ACSM3: variants seen among roughly 807,000 people sequenced by gnomAD.
The protein encoded by ACSM3 is acyl-coenzyme A synthetase ACSM3, mitochondrial.
In ACSM3, 61 loss-of-function variants were observed where a neutral mutation model predicts 74.1. The ratio of observed to expected loss-of-function variants is 0.82; its 90% CI spans 0.67 to 1.02. ACSM3 has a LOEUF of 1.02. Among genes scored for constraint, ACSM3 ranks in the 50% least tolerant of loss-of-function variants. The pLI is 0.00. For missense variants in ACSM3, 660 were observed against 697.0 expected (o/e 0.95, Z 0.60); for synonymous variants, 213 against 241.5 (o/e 0.88, Z 1.09).
intron 8 of ACSM3, among the ~76,000 whole-genome samples, chr16:20,785,564 A>C (rs1348100997): frequency 6.6e-6 from 1 of 152,192 alleles, no homozygotes; most frequent in African/African-American, 2.4e-5. Context: ...ATTCTAGAGG[A>C]AATGAATGAA....
At chr16:20,694,848 G>A (rs2079681167) in intron 1 of ACSM3, among the ~76,000 whole-genome samples, 1 of 152,140 alleles carries the variant, frequency 6.6e-6, no homozygotes. Context: ...TATGACTGGT[G>A]TCCTTATAAA....
At chr16:20,733,243 GA>G (rs2079841947) in intron 1 of ACSM3, among the ~76,000 whole-genome samples, 1 of 152,064 alleles carries the variant, frequency 6.6e-6, no homozygotes, top group Non-Finnish European at 1.5e-5. Flanking sequence ...TGATTACTTA[GA>G]AAAAGAAAGT....
intron 1 of ACSM3, among the ~76,000 whole-genome samples, chr16:20,688,220 A>T (rs1051848875): frequency 6.6e-6 from 1 of 152,180 alleles, no homozygotes; most frequent in African/African-American, 2.4e-5. Flanking sequence ...AAATCCATAA[A>T]CATAGACAGG....
chr16:20,702,024 G>C (rs1328642397), intron 1 of ACSM3, among the ~76,000 whole-genome samples: 1 of 152,160 alleles, frequency 6.6e-6, no homozygotes, highest in Admixed American at 6.5e-5. Flanking sequence ...TATCTTTATA[G>C]TAGAATGATT....
chr16:20,779,097 C>G (rs918432265), intron 4 of ACSM3, among the ~76,000 whole-genome samples: 1 of 152,042 alleles, frequency 6.6e-6, no homozygotes, highest in African/African-American at 2.4e-5. Flanking sequence ...AAATCATAGA[C>G]TGAACACTTG....
At chr16:20,728,933 C>A (rs1462389630) in intron 1 of ACSM3, among the ~76,000 whole-genome samples, 1 of 151,938 alleles carries the variant, frequency 6.6e-6, no homozygotes, top group Non-Finnish European at 1.5e-5. Flanking sequence ...ATAGTGAGAC[C>A]CCGTCTCTAC....
chr16:20,782,172 TGAAAGGGTTCATTG>T (rs2080366062), intron 7 of ACSM3, among the ~76,000 whole-genome samples: 1 of 152,220 alleles, frequency 6.6e-6, no homozygotes, highest in Admixed American at 6.5e-5. Context: ...TGATTCCATT[TGAAAGGGTTCATTG>T]GTAATCCAAA....
chr16:20,717,998 AG>A (rs2079770766), intron 1 of ACSM3, among the ~76,000 whole-genome samples: 4 of 150,394 alleles, frequency 2.7e-5, no homozygotes, highest in South Asian at 2.1e-4. Context: ...AAGAAGAAGA[AG>A]AAGAAGAAGA....
chr16:20,720,306 A>C (rs931942445), intron 1 of ACSM3, among the ~76,000 whole-genome samples: 1 of 152,228 alleles, frequency 6.6e-6, no homozygotes, highest in Non-Finnish European at 1.5e-5. Context: ...GCAACTAGAC[A>C]GTCCCATCTG....
chr16:20,737,389 G>A, intron 1 of ACSM3: 1 of 1,187,226 alleles, frequency 8.4e-7, no homozygotes, highest in Non-Finnish European at 1.2e-6. Context: ...AAGACATACA[G>A]TAATCCACTC....
At chr16:20,697,065 G>T (rs1474495464) in intron 1 of ACSM3, among the ~76,000 whole-genome samples, 1 of 152,036 alleles carries the variant, frequency 6.6e-6, no homozygotes, top group Non-Finnish European at 1.5e-5. Context: ...AAATTCTGAA[G>T]CCAACCCCCT....
chr16:20,703,522 C>T (rs952540050), intron 1 of ACSM3: 2 of 151,914 alleles, frequency 1.3e-5, no homozygotes, highest in African/African-American at 4.8e-5. Flanking sequence ...TGAAGATGTC[C>T]TTCGCAGATT....
At chr16:20,741,415 G>A (rs2079919967) in intron 1 of ACSM3, 2 of 1,415,328 alleles carry the variant, frequency 1.4e-6, no homozygotes, top group Non-Finnish European at 1.9e-6. Context: ...GACGACCCGA[G>A]GCGCGCATGC....
Position 20,725,847 on chromosome 16 carries a change from C to T in ACSM3, c.-189-24063C>T, listed in dbSNP as rs560099938. On this transcript the variant is annotated intron_variant, in intron 1 of 3. Coordinates refer to the ACSM3 transcript ENST00000561584. The stretch of plus-strand genomic sequence containing the variant: ...ATTAGCCAGGCGTGGTGGCACACAA[C>T]GTGTAATCCCAGCCTCTTTGGAGGC... Among the ~76,000 whole-genome samples the T allele has an allele frequency of 7.2e-5, 11 of 152,252 alleles. No individual in the cohort carries two copies. The South Asian group carries it at 1.0e-3, about 14-fold the overall frequency.
At chr16:20,787,052 A>G (rs1161221503) in intron 9 of ACSM3, among the ~76,000 whole-genome samples, 3 of 152,202 alleles carry the variant, frequency 2.0e-5, no homozygotes, top group African/African-American at 7.2e-5. Context: ...CCTAGGGGGA[A>G]TTCCAGTTCC....
At chr16:20,794,424 G>A (rs112153787) in intron 12 of ACSM3, among the ~76,000 whole-genome samples, 1,974 of 152,252 alleles carry the variant, frequency 0.013, 46 homozygotes, top group African/African-American at 0.045. Flanking sequence ...CAATGCGATA[G>A]CCATGCATGG....
intron 1 of ACSM3, among the ~76,000 whole-genome samples, chr16:20,767,976 T>A (rs2080145786): frequency 6.6e-6 from 1 of 152,242 alleles, no homozygotes; most frequent in South Asian, 2.1e-4. Flanking sequence ...TGCCAAAATT[T>A]ATTTATGTAT....
chr16:20,784,551 A>C (rs1057161742), intron 7 of ACSM3: 3 of 157,620 alleles, frequency 1.9e-5, no homozygotes, highest in Non-Finnish European at 4.2e-5. Context: ...GGAATGATAC[A>C]GAGCAGATTA....
At chr16:20,741,661 G>T (rs146220401) in intron 1 of ACSM3, 404 of 1,583,380 alleles carry the variant, frequency 2.6e-4, no homozygotes, top group Non-Finnish European at 3.1e-4. Flanking sequence ...CGCCGAGCGC[G>T]CTTGGCCAGC....
Sources: allele counts gnomAD v4.1 joint callset (sites outside exome capture counted in the v4.1 genomes callset), GRCh38; gene constraint gnomAD v4.1.1; transcripts MANE v1.5; gene names NCBI Gene and HGNC (gene_info 2026-07-23, HGNC 2026-07-21).